PPP2R1B: variants seen among roughly 807,000 people sequenced by gnomAD.
PPP2R1B encodes serine/threonine-protein phosphatase 2A 65 kDa regulatory subunit A beta isoform.
In PPP2R1B, 58 loss-of-function variants were observed where a neutral mutation model predicts 72.7. The ratio of observed to expected loss-of-function variants is 0.80; its 90% CI spans 0.65 to 0.99. The LOEUF is 0.99. Among genes scored for constraint, PPP2R1B ranks in the 50% least tolerant of loss-of-function variants. The probability of loss-of-function intolerance (pLI) is 0.00; values close to 1 mark genes in which losing one functional copy is unlikely to be tolerated. For synonymous variants in PPP2R1B, 256 were observed against 264.6 expected (o/e 0.97, Z 0.32); for missense variants, 695 against 733.6 (o/e 0.95, Z 0.61).
In PPP2R1B at chr11:111,741,557, A is replaced by C. The variant is rs1944518973; in HGVS notation, c.*39T>G. On this transcript the variant is annotated 3_prime_UTR_variant, in exon 15 of 15. Transcript: ENST00000527614. ...AGAACACATTGACTAGAAATTTGTG[A>C]CAAGAATCTAGTAAAGGCCTTTTCC... The C allele has an allele frequency of 8.7e-6, 14 of 1,606,920 alleles. No individual in the cohort carries two copies. The East Asian group carries it at 3.1e-4, about 36-fold the overall frequency.
chr11:111,725,871 T>G (rs937376158), downstream of PPP2R1B: 2 of 152,410 alleles, frequency 1.3e-5, no homozygotes, highest in African/African-American at 2.4e-5. Flanking sequence ...GCAGAGGCAC[T>G]GTGCTCACGG....
the PPP2R1B span, chr11:111,703,513 T>G: frequency 8.8e-7 from 1 of 1,134,794 alleles, no homozygotes; most frequent in Non-Finnish European, 1.3e-6. Context: ...TTAGCACATG[T>G]ATCTCCAGCG....
chr11:111,763,407 A>C (rs1591714535), intron 3 of PPP2R1B, among the ~76,000 whole-genome samples: 1 of 152,296 alleles, frequency 6.6e-6, no homozygotes, highest in African/African-American at 2.4e-5. Flanking sequence ...AAGGTACAGA[A>C]TTTGGATTTT....
the PPP2R1B span, chr11:111,720,712 C>T: frequency 1.2e-6 from 2 of 1,611,990 alleles, no homozygotes; most frequent in South Asian, 2.2e-5. Flanking sequence ...AACAGGTCTC[C>T]AGTGAGCTTC....
chr11:111,695,435 G>C, the PPP2R1B span, among the ~76,000 whole-genome samples: 1 of 152,092 alleles, frequency 6.6e-6, no homozygotes, highest in Non-Finnish European at 1.5e-5. Context: ...AAAGGACTTA[G>C]TTTAACCTAA....
the PPP2R1B span, among the ~76,000 whole-genome samples, chr11:111,710,864 T>G: frequency 1.3e-5 from 2 of 152,196 alleles, no homozygotes; most frequent in Non-Finnish European, 2.9e-5. Context: ...CCCTTTGATT[T>G]GTTTGAGTTT....
downstream of PPP2R1B, chr11:111,725,861 G>C (rs888413802): frequency 6.6e-6 from 1 of 152,418 alleles, no homozygotes; most frequent in African/African-American, 2.4e-5. Flanking sequence ...AGGATGCTTC[G>C]CAGAGGCACT....
At chr11:111,755,546 A>C in intron 5 of PPP2R1B, 96 bp from the exon 6 acceptor site, 1 of 1,154,232 alleles carries the variant, frequency 8.7e-7, no homozygotes, top group Non-Finnish European at 1.2e-6. Flanking sequence ...TAACACCACC[A>C]AGACTGCCAC....
chr11:111,696,150 A>T, the PPP2R1B span, among the ~76,000 whole-genome samples: 1 of 152,224 alleles, frequency 6.6e-6, no homozygotes, highest in Non-Finnish European at 1.5e-5. Flanking sequence ...TAAATATTTC[A>T]GGCCATATAG....
At chr11:111,699,523 T>C in the PPP2R1B span, among the ~76,000 whole-genome samples, 1 of 152,280 alleles carries the variant, frequency 6.6e-6, no homozygotes, top group African/African-American at 2.4e-5. Context: ...AAAATAACTT[T>C]CCTAGAGGAC....
At chr11:111,720,761 G>T in the PPP2R1B span, 19 of 1,583,730 alleles carry the variant, frequency 1.2e-5, no homozygotes, top group Non-Finnish European at 1.6e-5. Context: ...CCCTCACCCA[G>T]GGTGAGCACT....
the PPP2R1B span, among the ~76,000 whole-genome samples, chr11:111,708,207 T>G: frequency 6.6e-6 from 1 of 151,922 alleles, no homozygotes; most frequent in African/African-American, 2.4e-5. Context: ...CATGGTGAAA[T>G]GCCATCTCTA....
rs1555050727 is a variant in PPP2R1B at position 111,759,872 on chromosome 11, C to G, written c.619G>C (p.Val207Leu). ...CTTTTCACACTGTCTAATTCCAAAA[C>G]TTTTGCAAATTCACCCAATTTGGAA... ...AASKLGEFAK[V>L]LELDSVKSEI... The change falls in exon 5 of 15, where the codon GTT (valine) becomes CTT (leucine). Residue 207 changes from valine to leucine, a missense_variant. Coordinates refer to ENST00000527614, the MANE Select transcript of PPP2R1B (RefSeq NM_002716.5). 1.9e-6 allele frequency: 3 copies of G among 1,614,142 alleles called. No homozygotes were observed. The highest frequency in any genetic ancestry group is 2.5e-6 in the Non-Finnish European group (3 of 1,180,016).
the PPP2R1B span, among the ~76,000 whole-genome samples, chr11:111,715,016 T>G: frequency 2.6e-5 from 4 of 152,216 alleles, no homozygotes; most frequent in Non-Finnish European, 4.4e-5. Context: ...ACTGCTGTAT[T>G]ATATAGGGCA....
the PPP2R1B span, among the ~76,000 whole-genome samples, chr11:111,697,731 C>T: frequency 6.6e-6 from 1 of 152,274 alleles, no homozygotes; most frequent in East Asian, 1.9e-4. Context: ...GTGGCTCACA[C>T]CTGTAATCCC....
chr11:111,699,862 T>TA, the PPP2R1B span, among the ~76,000 whole-genome samples: 1 of 152,208 alleles, frequency 6.6e-6, no homozygotes, highest in Admixed American at 6.5e-5. Flanking sequence ...ATCCAGTCAA[T>TA]CTGTCTGGCA....
intron 13 of PPP2R1B, 146 bp from the exon 14 acceptor site, chr11:111,742,290 TAAAGA>T: frequency 1.2e-6 from 1 of 807,384 alleles, no homozygotes; most frequent in Non-Finnish European, 1.9e-6. Flanking sequence ...AAATAATGTC[TAAAGA>T]AATTCTCAGC....
chr11:111,765,714 C>T (rs928161611), intron 1 of PPP2R1B: 11 of 495,218 alleles, frequency 2.2e-5, no homozygotes, highest in Non-Finnish European at 4.3e-5. Context: ...TTGAATACAA[C>T]ACCTGTGGTT....
At chr11:111,718,820 T>C in the PPP2R1B span, 1 of 152,216 alleles carries the variant, frequency 6.6e-6, no homozygotes, top group African/African-American at 2.4e-5. Context: ...CAGCTATTCA[T>C]AGGAGAAAAT....
Sources: gnomAD v4.1 joint callset for allele counts (sites outside exome capture counted in the v4.1 genomes callset) on GRCh38, gnomAD v4.1.1 for gene constraint, MANE v1.5 for transcripts, NCBI Gene and HGNC (gene_info 2026-07-23, HGNC 2026-07-21) for gene names.